The following CTNNA2 variants were observed in gnomAD, a reference collection of about 807,000 sequenced individuals.
CTNNA2 encodes the protein catenin alpha-2.
Under a neutral mutation model 101.0 loss-of-function variants are expected in CTNNA2, and 42 were observed. The ratio of observed to expected loss-of-function variants is 0.42; its 90% CI spans 0.32 to 0.54. CTNNA2 has a LOEUF of 0.54. Among genes scored for constraint, CTNNA2 ranks in the 20% least tolerant of loss-of-function variants. The pLI is 0.14. For missense variants in CTNNA2, 871 were observed against 1,223.1 expected (o/e 0.71, Z 4.29); for synonymous variants, 450 against 456.4 (o/e 0.99, Z 0.18).
At chr2:79,917,060 C>CTTATTTAT (rs1188744321) in intron 7 of CTNNA2, among the ~76,000 whole-genome samples, 1 of 112,894 alleles carries the variant, frequency 8.9e-6, no homozygotes, top group Non-Finnish European at 1.8e-5. Flanking sequence ...AATTCTCAGC[C>CTTATTTAT]TTATTTATTT....
chr2:80,438,298 C>T lies in CTNNA2; in HGVS notation c.1290+18697C>T, dbSNP rs533972212. Among the ~76,000 whole-genome samples, 7 of 152,258 alleles carry T rather than the reference C, an allele frequency of 4.6e-5. No individual in the cohort carries two copies. The South Asian group carries it at 1.5e-3, about 32-fold the overall frequency. Reference sequence around the variant, plus strand: ...CTCATAGCTCCTTTGAACTTAATCACCTGTTTAAAGACCCTATCTCCTAAT... The same window carrying T: ...CTCATAGCTCCTTTGAACTTAATCATCTGTTTAAAGACCCTATCTCCTAAT... On this transcript the variant is annotated intron_variant, in intron 9 of 18. Transcript: ENST00000402739.
intron 9 of CTNNA2, among the ~76,000 whole-genome samples, chr2:80,511,775 T>C (rs1304003429): frequency 1.3e-5 from 2 of 152,186 alleles, no homozygotes; most frequent in Non-Finnish European, 2.9e-5. Flanking sequence ...TGCTTTTCCA[T>C]ATACCAACTA....
chr2:79,468,236 C>G (rs1380363076), intron 4 of CTNNA2, among the ~76,000 whole-genome samples: 1 of 152,054 alleles, frequency 6.6e-6, no homozygotes, highest in Non-Finnish European at 1.5e-5. Flanking sequence ...ATCCTAGTCT[C>G]TGATAAAACA....
rs76231600 is a variant in CTNNA2, at chr2:79,876,719, C to T, written c.852+2377C>T. Among the ~76,000 whole-genome samples the T allele has an allele frequency of 3.9e-4, 59 of 152,226 alleles. 2 individuals are homozygous for T. The East Asian group carries it at 0.01, about 26-fold the overall frequency. On this transcript the variant is annotated intron_variant, in intron 6 of 18. Coordinates refer to ENST00000402739, the MANE Select transcript of CTNNA2 (RefSeq NM_001282597.3). ...TCCCCAATTAATGTAACAACCGATG[C>T]GTCAGTGCAACAGTGCAAAAGGCTT... is the stretch of plus-strand genomic sequence containing the variant.
chr2:79,825,287 T>A (rs762766871), intron 3 of CTNNA2, among the ~76,000 whole-genome samples: 1 of 152,148 alleles, frequency 6.6e-6, no homozygotes, highest in East Asian at 1.9e-4. Flanking sequence ...ATTACAGGAC[T>A]TTAAAGTGAT....
chr2:80,647,512 G>A, intron 18 of CTNNA2, 73 bp from the exon 19 acceptor site: 1 of 1,234,644 alleles, frequency 8.1e-7, no homozygotes, highest in Non-Finnish European at 1.1e-6. Flanking sequence ...TTTTAACCGT[G>A]AAAGTACATC....
chr2:79,610,126 A>G (rs1678168440), intron 1 of CTNNA2, among the ~76,000 whole-genome samples: 1 of 152,146 alleles, frequency 6.6e-6, no homozygotes, highest in African/African-American at 2.4e-5. Flanking sequence ...AATAGCATCT[A>G]TCAAAGAAGA....
chr2:79,449,703 G>T (rs1678868493), intron 4 of CTNNA2, among the ~76,000 whole-genome samples: 1 of 151,826 alleles, frequency 6.6e-6, no homozygotes, highest in Admixed American at 6.6e-5. Flanking sequence ...GAGTACTATG[G>T]AAAATAAGCA....
intron 3 of CTNNA2, among the ~76,000 whole-genome samples, chr2:79,829,515 A>T (rs1461073416): frequency 6.6e-6 from 1 of 151,192 alleles, no homozygotes; most frequent in Non-Finnish European, 1.5e-5. Flanking sequence ...GGTTTCAGTG[A>T]GCTGAGATCG....
chr2:79,847,055 T>C (rs1680283097), intron 3 of CTNNA2, among the ~76,000 whole-genome samples: 1 of 152,206 alleles, frequency 6.6e-6, no homozygotes, highest in Non-Finnish European at 1.5e-5. Context: ...TTAATGTCAG[T>C]TGTTCTTTTT....
intron 3 of CTNNA2, among the ~76,000 whole-genome samples, chr2:79,830,415 G>A (rs948648169): frequency 1.3e-5 from 2 of 152,146 alleles, no homozygotes; most frequent in Admixed American, 1.3e-4. Flanking sequence ...ATGTAGGTAG[G>A]TGCTAGGGAA....
intron 1 of CTNNA2, among the ~76,000 whole-genome samples, chr2:79,517,514 A>G (rs1671871028): frequency 6.6e-6 from 1 of 152,180 alleles, no homozygotes; most frequent in African/African-American, 2.4e-5. Flanking sequence ...AAACTAACAG[A>G]CCATAGACTG....
intron 7 of CTNNA2, among the ~76,000 whole-genome samples, chr2:79,937,742 A>T (rs951360801): frequency 6.6e-6 from 1 of 152,260 alleles, no homozygotes; most frequent in Non-Finnish European, 1.5e-5. Context: ...AAGTAAAAGA[A>T]ATGAAGACTG....
At chr2:79,837,975 T>C (rs1679518693) in intron 3 of CTNNA2, among the ~76,000 whole-genome samples, 1 of 152,138 alleles carries the variant, frequency 6.6e-6, no homozygotes, top group Admixed American at 6.5e-5. Context: ...ATATTTCTGA[T>C]TAAGACTGAT....
chr2:79,603,954 G>C (rs1393356930), intron 1 of CTNNA2, among the ~76,000 whole-genome samples: 2 of 152,078 alleles, frequency 1.3e-5, no homozygotes, highest in African/African-American at 4.8e-5. Flanking sequence ...GCCTGAGAGA[G>C]CGAGTCCACC....
intron 2 of CTNNA2, among the ~76,000 whole-genome samples, chr2:79,213,433 C>T (rs946497572): frequency 2.6e-5 from 4 of 152,194 alleles, no homozygotes; most frequent in Admixed American, 2.6e-4. Context: ...ACGTTTAGTC[C>T]TTTTGCAAGA....
At chr2:79,538,963 T>G (rs1280584673) in intron 1 of CTNNA2, among the ~76,000 whole-genome samples, 1 of 152,140 alleles carries the variant, frequency 6.6e-6, no homozygotes, top group Non-Finnish European at 1.5e-5. Flanking sequence ...GGCAGCATAC[T>G]TGAGAATGGA....
At position 79,982,268 on chromosome 2, in the gene CTNNA2, CAT is replaced by C. The variant is rs373827523; in HGVS notation, c.1056+72479_1056+72480del. 1.2e-3 allele frequency among the ~76,000 whole-genome samples: 136 copies of C among 108,984 alleles called. 5 individuals are homozygous for C. Among genetic ancestry groups the C allele is most frequent in the African/African-American group, 4.3e-3 (107 of 25,104 alleles). The allele number at this position is 108,984 out of a possible 152,430, so 71.5% of individuals were successfully genotyped here. A position where few individuals can be genotyped will look rare whatever the true frequency, so the allele number is the denominator to read the frequency against. On this transcript the variant is annotated intron_variant, in intron 7 of 18. Coordinates refer to ENST00000402739, the MANE Select transcript of CTNNA2 (RefSeq NM_001282597.3). ...TATGTATATGTACACACACACATAACATATATATAATATATATAACATATATA... is the reference window on the plus strand; with the variant it reads ...TATGTATATGTACACACACACATAACATATATAATATATATAACATATATA...
chr2:80,558,486 G>A (rs2023336), intron 12 of CTNNA2, among the ~76,000 whole-genome samples: 45 of 61,734 alleles, frequency 7.3e-4, no homozygotes, highest in African/African-American at 1.3e-3. Flanking sequence ...GTGTGTGTGT[G>A]TATATATATA....
Sources: gnomAD v4.1 joint callset for allele counts (sites outside exome capture counted in the v4.1 genomes callset) on GRCh38, gnomAD v4.1.1 for gene constraint, MANE v1.5 for transcripts, NCBI Gene and HGNC (gene_info 2026-07-23, HGNC 2026-07-21) for gene names.